Variants in CACNA1E observed in about 807,000 individuals in gnomAD.
CACNA1E encodes the protein calcium voltage-gated channel subunit alpha1 E.
In CACNA1E, 40 loss-of-function variants were observed where a neutral mutation model predicts 259.2. The observed-to-expected ratio is 0.15, with a 90% CI of 0.12 to 0.20. CACNA1E has a LOEUF of 0.20. Among genes scored for constraint, CACNA1E ranks in the 10% least tolerant of loss-of-function variants. The probability of loss-of-function intolerance (pLI) is 1.00; values close to 1 mark genes in which losing one functional copy is unlikely to be tolerated. For synonymous variants in CACNA1E, 1,104 were observed against 1,138.5 expected, an observed-to-expected ratio of 0.97 and a Z score of 0.61; for missense variants, 1,874 against 3,040.1, an observed-to-expected ratio of 0.62 and a Z score of 9.02.
chr1:181,544,599 C>T (rs1230648645), intron 3 of CACNA1E, among the ~76,000 whole-genome samples: 3 of 152,106 alleles, frequency 2.0e-5, no homozygotes, highest in Non-Finnish European at 4.4e-5. Flanking sequence ...CAAATGGTGG[C>T]AGTGGTGGGT....
intron 39 of CACNA1E, 30 bp downstream of exon 39, chr1:181,781,553 A>G (rs1464232215): frequency 9.1e-7 from 1 of 1,094,962 alleles, no homozygotes; most frequent in South Asian, 1.3e-5. Context: ...GCTCTGGGCT[A>G]CAGACCAACA....
intron 7 of CACNA1E, among the ~76,000 whole-genome samples, chr1:181,689,922 A>C (rs534284647): frequency 2.0e-5 from 3 of 152,078 alleles, no homozygotes; most frequent in East Asian, 3.9e-4. Context: ...CTATTCTGTA[A>C]GTTGCCTGTT....
At chr1:181,561,490 T>C (rs924259012) in intron 3 of CACNA1E, among the ~76,000 whole-genome samples, 1 of 152,168 alleles carries the variant, frequency 6.6e-6, no homozygotes. Flanking sequence ...TAACTGCTGA[T>C]TTTTTGTTCT....
intron 3 of CACNA1E, among the ~76,000 whole-genome samples, chr1:181,533,714 C>T (rs1193571297): frequency 1.3e-5 from 2 of 152,052 alleles, no homozygotes; most frequent in African/African-American, 2.4e-5. Context: ...CAATATTTCT[C>T]CACTTATTTG....
intron 16 of CACNA1E, among the ~76,000 whole-genome samples, chr1:181,722,953 A>G (rs1654546162): frequency 6.6e-6 from 1 of 152,106 alleles, no homozygotes; most frequent in African/African-American, 2.4e-5. Context: ...CATTTTCCTG[A>G]TATTCTGGGG....
intron 1 of CACNA1E, among the ~76,000 whole-genome samples, chr1:181,378,551 GAA>G (rs1325491480): frequency 6.6e-6 from 1 of 152,172 alleles, no homozygotes; most frequent in East Asian, 1.9e-4. Context: ...TACACAGAGA[GAA>G]CTCTGGAGAT....
intron 2 of CACNA1E, among the ~76,000 whole-genome samples, chr1:181,430,527 A>G (rs1659642974): frequency 6.6e-6 from 1 of 152,170 alleles, no homozygotes; most frequent in South Asian, 2.1e-4. Context: ...CTCCCTGTGC[A>G]AGTTCCCATG....
intron 2 of CACNA1E, among the ~76,000 whole-genome samples, chr1:181,477,229 AAG>A (rs1662918602): frequency 6.6e-6 from 1 of 150,786 alleles, no homozygotes; most frequent in Non-Finnish European, 1.5e-5. Context: ...TAGCTCTTCA[AAG>A]AGATCTCTTT....
At chr1:181,675,056 C>T (rs140036819) in intron 7 of CACNA1E, among the ~76,000 whole-genome samples, 1 of 152,202 alleles carries the variant, frequency 6.6e-6, no homozygotes, top group Non-Finnish European at 1.5e-5. Context: ...TTTGTTTTGC[C>T]AACTGTAATT....
intron 16 of CACNA1E, among the ~76,000 whole-genome samples, chr1:181,723,762 T>A (rs573870917): frequency 1.3e-5 from 2 of 152,248 alleles, no homozygotes; most frequent in South Asian, 4.2e-4. Flanking sequence ...TGGTTTATTA[T>A]AAAGGATATT....
At chr1:181,575,084 G>A (rs2102955758) in intron 3 of CACNA1E, among the ~76,000 whole-genome samples, 1 of 152,200 alleles carries the variant, frequency 6.6e-6, no homozygotes, top group South Asian at 2.1e-4. Flanking sequence ...ACGGGGAGCC[G>A]GCTGTCATTC....
chr1:181,774,413 G>A (rs1659787656), intron 37 of CACNA1E, among the ~76,000 whole-genome samples: 1 of 152,238 alleles, frequency 6.6e-6, no homozygotes, highest in Non-Finnish European at 1.5e-5. Flanking sequence ...AGGTTCGCCT[G>A]CATGAGACAG....
chr1:181,554,779 C>T (rs1648550508), intron 3 of CACNA1E, among the ~76,000 whole-genome samples: 1 of 152,164 alleles, frequency 6.6e-6, no homozygotes, highest in Non-Finnish European at 1.5e-5. Context: ...GGAATCAAGA[C>T]ATTTGCTCAG....
chr1:181,725,969 A>C (rs1367721828), intron 17 of CACNA1E, 96 bp from the exon 18 acceptor site: 1 of 744,034 alleles, frequency 1.3e-6, no homozygotes, highest in Non-Finnish European at 2.3e-6. Flanking sequence ...TCCTCACTTC[A>C]CTTGGTATTC....
intron 35 of CACNA1E, among the ~76,000 whole-genome samples, chr1:181,767,943 A>AT (rs983519867): frequency 1.3e-5 from 2 of 152,174 alleles, no homozygotes; most frequent in Admixed American, 6.5e-5. Flanking sequence ...TTCAAAATTG[A>AT]TTTTTTATTG....
chr1:181,336,431 T>C (rs753216998), intron 1 of CACNA1E, among the ~76,000 whole-genome samples: 1 of 152,252 alleles, frequency 6.6e-6, no homozygotes, highest in African/African-American at 2.4e-5. Context: ...AAATGTTAAG[T>C]ACCTTGTCTC....
intron 2 of CACNA1E, among the ~76,000 whole-genome samples, chr1:181,456,378 T>C (rs1363703447): frequency 1.3e-5 from 2 of 152,122 alleles, no homozygotes; most frequent in Non-Finnish European, 2.9e-5. Flanking sequence ...GAGTTGTGTT[T>C]CACTATGGGT....
chr1:181,351,620 G>A (rs1259295923), intron 1 of CACNA1E, among the ~76,000 whole-genome samples: 3 of 152,276 alleles, frequency 2.0e-5, no homozygotes, highest in African/African-American at 7.2e-5. Context: ...CTCCCTCTGG[G>A]GGCTGTAGAG....
At chr1:181,508,603 G>A (rs1224643617) in intron 1 of CACNA1E, among the ~76,000 whole-genome samples, 1 of 152,206 alleles carries the variant, frequency 6.6e-6, no homozygotes, top group African/African-American at 2.4e-5. Context: ...TTTTTTCAGA[G>A]GTCTGGGTTA....
Sources: allele counts gnomAD v4.1 joint callset (sites outside exome capture counted in the v4.1 genomes callset), GRCh38; gene constraint gnomAD v4.1.1; transcripts MANE v1.5; gene names NCBI Gene and HGNC (gene_info 2026-07-23, HGNC 2026-07-21).